Variants in HIPK3 observed in about 807,000 individuals in gnomAD.
HIPK3 encodes the protein homeodomain-interacting protein kinase 3.
A neutral mutation model predicts 124.2 loss-of-function variants in HIPK3; 47 were observed. That is an observed-to-expected ratio of 0.38 (90% CI 0.30 to 0.48). The LOEUF (loss-of-function observed/expected upper bound fraction) is 0.48. Ranked by LOEUF, HIPK3 falls within the 20% of genes least tolerant of loss-of-function variation. The probability of loss-of-function intolerance (pLI) is 0.98; values close to 1 mark genes in which losing one functional copy is unlikely to be tolerated. For synonymous variants in HIPK3, 482 were observed against 515.2 expected (o/e 0.94, Z 0.87); for missense variants, 1,286 against 1,454.3 (o/e 0.88, Z 1.88).
At chr11:33,292,826 C>T (rs1321283380) in intron 2 of HIPK3, among the ~76,000 whole-genome samples, 3 of 152,120 alleles carry the variant, frequency 2.0e-5, no homozygotes. Flanking sequence ...AGCTCCGCGT[C>T]CCGGGTTCAC....
At position 33,353,521 on chromosome 11, in the gene HIPK3, G is replaced by GA; in HGVS notation, c.3601_3602insA (p.Gly1201GlufsTer30). 1 of 1,613,872 alleles carries GA rather than the reference G, an allele frequency of 6.2e-7. No homozygotes were observed. The highest frequency in any genetic ancestry group is 8.5e-7 in the Non-Finnish European group (1 of 1,179,854). ...CATTGCAGCATCACCTGCATATACT[G>GA]GATTTCCACTGAGTCCAACAAAACT... On this transcript the variant is annotated frameshift_variant, in exon 17 of 17. Transcript: ENST00000303296. LOFTEE classifies it high-confidence loss of function.
chr11:33,296,546 T>G (rs1262082362), intron 2 of HIPK3, among the ~76,000 whole-genome samples: 1 of 152,248 alleles, frequency 6.6e-6, no homozygotes, highest in Non-Finnish European at 1.5e-5. Context: ...TTGTGTCAGG[T>G]CTGTTGGTGC....
At chr11:33,351,069 C>T (rs1435738751) in intron 14 of HIPK3, among the ~76,000 whole-genome samples, 1 of 151,942 alleles carries the variant, frequency 6.6e-6, no homozygotes, top group Non-Finnish European at 1.5e-5. Flanking sequence ...TGTCAGGGCC[C>T]AAGAGTGTCA....
At chr11:33,301,295 TAGTCAAAA>T (rs1851992161) in intron 2 of HIPK3, among the ~76,000 whole-genome samples, 1 of 152,180 alleles carries the variant, frequency 6.6e-6, no homozygotes, top group Non-Finnish European at 1.5e-5. Context: ...TTGGAGTATG[TAGTCAAAA>T]TACTGTGTTC....
At chr11:33,322,052 T>C (rs1173127534) in intron 2 of HIPK3, among the ~76,000 whole-genome samples, 1 of 152,084 alleles carries the variant, frequency 6.6e-6, no homozygotes, top group Non-Finnish European at 1.5e-5. Flanking sequence ...CAGACTGGAG[T>C]GCAGTGGCGC....
At chr11:33,317,119 C>T (rs1426366705) in intron 2 of HIPK3, among the ~76,000 whole-genome samples, 6 of 151,662 alleles carry the variant, frequency 4.0e-5, no homozygotes, top group East Asian at 1.9e-4. Flanking sequence ...TACAGGTGTG[C>T]GCCACCATGC....
At chr11:33,315,318 CG>C (rs1203279635) in intron 2 of HIPK3, among the ~76,000 whole-genome samples, 1 of 152,160 alleles carries the variant, frequency 6.6e-6, no homozygotes, top group Admixed American at 6.6e-5. Flanking sequence ...CCTTGGCCTC[CG>C]GGGCTCAAGC....
At chr11:33,305,090 CG>C (rs537623233) in intron 2 of HIPK3, among the ~76,000 whole-genome samples, 1,558 of 152,244 alleles carry the variant, frequency 0.01, 8 homozygotes, top group Non-Finnish European at 0.015. Flanking sequence ...AGCCTCTGCC[CG>C]CCGAGTTCAG....
intron 5 of HIPK3, 26 bp downstream of exon 5, chr11:33,338,869 A>G (rs751819903): frequency 6.6e-7 from 1 of 1,513,028 alleles, no homozygotes. Flanking sequence ...ACATTTGTTC[A>G]TCTTACATGC....
rs768700943 is a variant in HIPK3, at chr11:33,341,134, A to ATG, written c.1773+11_1773+12dup. 5 of 1,557,822 alleles carry ATG rather than the reference A, an allele frequency of 3.2e-6. No individual in the cohort carries two copies. Among genetic ancestry groups the ATG allele is most frequent in the Non-Finnish European group, 4.3e-6 (5 of 1,153,962 alleles). On this transcript the variant is annotated splice_region_variant and intron_variant, in intron 7 of 16. Transcript: ENST00000303296. ...CGGAACATTAAGAAGTCAGGTAAGA[A>ATG]TGTGTAGTAATTAATAACTTAGGGT... is the stretch of plus-strand genomic sequence containing the variant.
intron 2 of HIPK3, among the ~76,000 whole-genome samples, chr11:33,316,193 A>G (rs1283136317): frequency 6.6e-5 from 10 of 152,192 alleles, no homozygotes; most frequent in Non-Finnish European, 1.3e-4. Context: ...CTACCTTTCT[A>G]AGAATGTTGA....
In HIPK3 at chr11:33,355,335, T is replaced by G. The variant is rs1265886993; in HGVS notation, c.*1767T>G. On this transcript the variant is annotated 3_prime_UTR_variant, in exon 17 of 17. Transcript: ENST00000303296. ...ATTTTATCTCTATTAATGTTTGTGC[T>G]CATCACTGCATATTAAAAAAACTTG... 2.0e-5 allele frequency: 3 copies of G among 152,096 alleles called. No homozygotes were observed. Among genetic ancestry groups the G allele is most frequent in the Non-Finnish European group, 4.4e-5 (3 of 67,918 alleles). The allele number at this position is 152,096 out of a possible 1,614,324, so 9.4% of individuals were successfully genotyped here.
At position 33,259,377 on chromosome 11, in the gene HIPK3, C is replaced by T. The variant is rs189499309; in HGVS notation, c.-3+1488C>T. On this transcript the variant is annotated intron_variant, in intron 1 of 16. Coordinates refer to ENST00000303296, the MANE Select transcript of HIPK3 (RefSeq NM_005734.5). ...TAGATTCTGCTTATGTTTGCAAGTG[C>T]AGTGCTAATTTTATACAATGAGCAA... 6.8e-4 allele frequency among the ~76,000 whole-genome samples: 104 copies of T among 152,284 alleles called. No homozygotes were observed. In the East Asian group the frequency reaches 0.017, roughly 24 times the overall value.
chr11:33,262,924 C>A (rs1237088160), intron 1 of HIPK3, among the ~76,000 whole-genome samples: 1 of 152,118 alleles, frequency 6.6e-6, no homozygotes, highest in Admixed American at 6.5e-5. Flanking sequence ...CTCAGGAGAT[C>A]CTTCTGCCTC....
At chr11:33,336,665 T>TA (rs1853158320) in intron 3 of HIPK3, among the ~76,000 whole-genome samples, 1 of 152,220 alleles carries the variant, frequency 6.6e-6, no homozygotes, top group African/African-American at 2.4e-5. Flanking sequence ...TTTCATCTCT[T>TA]ACCATTCTCT....
intron 2 of HIPK3, among the ~76,000 whole-genome samples, chr11:33,326,145 C>T (rs1005695570): frequency 4.6e-5 from 7 of 152,116 alleles, no homozygotes; most frequent in African/African-American, 1.4e-4. Flanking sequence ...TTTCCTTTGC[C>T]AGAAGAGTTG....
At chr11:33,278,142 A>AGGTTGATGATTAATTT (rs1383954681) in intron 1 of HIPK3, among the ~76,000 whole-genome samples, 1 of 152,152 alleles carries the variant, frequency 6.6e-6, no homozygotes, top group Non-Finnish European at 1.5e-5. Context: ...TTTCTGTCAG[A>AGGTTGATGATTAATTT]GGTTGATGAT....
At position 33,257,639 on chromosome 11, in the gene HIPK3, G is replaced by A; in HGVS notation, c.-253G>A. 2 of 990,508 alleles carry A rather than the reference G, an allele frequency of 2.0e-6. No individual in the cohort carries two copies. The highest frequency in any genetic ancestry group is 2.4e-6 in the Non-Finnish European group (2 of 833,428). 61.4% of individuals were successfully genotyped at this position (990,508 alleles called of 1,614,324 possible). A position where few individuals can be genotyped will look rare whatever the true frequency, so the allele number is the denominator to read the frequency against. ...CCAAATCCCCGGGAAGGAAGATGAG[G>A]GAGACGGGCCCGGCGCTTAGCAGCC... On this transcript the variant is annotated 5_prime_UTR_variant, in exon 1 of 17. Transcript: ENST00000303296.
intron 1 of HIPK3, among the ~76,000 whole-genome samples, chr11:33,267,265 A>G (rs1850992327): frequency 6.6e-6 from 1 of 151,150 alleles, no homozygotes. Flanking sequence ...GGCAACTGCC[A>G]CCACGCCCGG....
Sources: gnomAD v4.1 joint callset for allele counts (sites outside exome capture counted in the v4.1 genomes callset) on GRCh38, gnomAD v4.1.1 for gene constraint, MANE v1.5 for transcripts, NCBI Gene and HGNC (gene_info 2026-07-23, HGNC 2026-07-21) for gene names.